Variants in ABHD12B observed in about 807,000 individuals in gnomAD.
The protein encoded by ABHD12B is abhydrolase domain containing 12B, also known as protein ABHD12B.
In ABHD12B, 42 loss-of-function variants were observed where a neutral mutation model predicts 50.4. That is an observed-to-expected ratio of 0.83 (90% CI 0.65 to 1.08). The LOEUF is 1.08. Ranked by LOEUF, ABHD12B falls within the 50% of genes least tolerant of loss-of-function variation. The pLI is 0.00. For missense variants in ABHD12B, 479 were observed against 447.7 expected, an observed-to-expected ratio of 1.07 and a Z score of -0.63; for synonymous variants, 167 against 160.3, an observed-to-expected ratio of 1.04 and a Z score of -0.32.
chr14:50,899,713 C>T (rs535642919), intron 9 of ABHD12B, among the ~76,000 whole-genome samples: 1 of 152,124 alleles, frequency 6.6e-6, no homozygotes, highest in South Asian at 2.1e-4. Flanking sequence ...CATTTGAGGT[C>T]AGAGTTCGAG....
intron 9 of ABHD12B, among the ~76,000 whole-genome samples, chr14:50,900,807 G>A (rs1233258026): frequency 1.3e-5 from 2 of 152,208 alleles, no homozygotes; most frequent in Admixed American, 1.3e-4. Context: ...GGCTGGAGAG[G>A]GAGGCAGGAA....
chr14:50,887,383 C>T (rs1394874487), intron 8 of ABHD12B, among the ~76,000 whole-genome samples: 1 of 151,804 alleles, frequency 6.6e-6, no homozygotes, highest in Non-Finnish European at 1.5e-5. Context: ...TCAGAATCTT[C>T]GACCCTAGCT....
chr14:50,902,773 G>A lies in ABHD12B; in HGVS notation c.864-616G>A, dbSNP rs544771675. Among the ~76,000 whole-genome samples the A allele has an allele frequency of 8.5e-5, 13 of 152,288 alleles. No individual in the cohort carries two copies. In the South Asian group the frequency reaches 2.5e-3, roughly 29 times the overall value. On this transcript the variant is annotated intron_variant, in intron 10 of 12. Transcript: ENST00000337334. ...GAGATGGATGGGTATCAGAATTTTG[G>A]GGGGACAGGGAAGCATTGCTTGAGA...
chr14:50,892,636 T>A (rs1440399724), intron 9 of ABHD12B: 1 of 965,988 alleles, frequency 1.0e-6, no homozygotes, highest in African/African-American at 1.8e-5. Flanking sequence ...ATGGTTTCTA[T>A]ATTTTTAATT....
intron 2 of ABHD12B, among the ~76,000 whole-genome samples, 161 bp from the exon 3 acceptor site, chr14:50,878,584 G>C (rs1385889446): frequency 6.6e-6 from 1 of 152,142 alleles, no homozygotes; most frequent in Non-Finnish European, 1.5e-5. Context: ...TCCTCTGCAG[G>C]CTAGTCCTAG....
intron 9 of ABHD12B, chr14:50,892,735 A>G (rs1176824914): frequency 6.2e-6 from 2 of 323,148 alleles, no homozygotes; most frequent in East Asian, 1.7e-4. Context: ...ACTTAATACC[A>G]TCTAATAATT....
chr14:50,881,736 T>A, intron 5 of ABHD12B, 110 bp downstream of exon 5: 2 of 1,318,252 alleles, frequency 1.5e-6, no homozygotes, highest in Non-Finnish European at 2.2e-6. Context: ...TCCAGGGTAC[T>A]GGTCAGGGTG....
intron 9 of ABHD12B, chr14:50,895,471 C>T (rs2050184884): frequency 6.6e-6 from 1 of 152,180 alleles, no homozygotes. Context: ...GGCCACTGGG[C>T]CAAGGAATGC....
At chr14:50,899,816 G>T (rs990817652) in intron 9 of ABHD12B, among the ~76,000 whole-genome samples, 1 of 151,994 alleles carries the variant, frequency 6.6e-6, no homozygotes, top group Non-Finnish European at 1.5e-5. Context: ...CAGCTACTTG[G>T]GTGGCTGAGG....
At chr14:50,886,610 T>C (rs1475281772) in intron 7 of ABHD12B, 37 bp from the exon 8 acceptor site, 2 of 1,595,326 alleles carry the variant, frequency 1.3e-6, no homozygotes, top group Non-Finnish European at 8.6e-7. Context: ...TGTACTGTTA[T>C]TGCTTAACAC....
intron 9 of ABHD12B, among the ~76,000 whole-genome samples, chr14:50,895,345 G>C (rs2050182294): frequency 6.6e-6 from 1 of 151,874 alleles, no homozygotes. Flanking sequence ...TCCACTGTGA[G>C]ACAAACCCCA....
At chr14:50,894,986 G>C (rs1464026835) in intron 9 of ABHD12B, among the ~76,000 whole-genome samples, 1 of 149,182 alleles carries the variant, frequency 6.7e-6, no homozygotes, top group East Asian at 1.9e-4. Flanking sequence ...TCCCCCACCT[G>C]CCCAGCAATT....
At chr14:50,897,309 G>A (rs1289539989) in intron 9 of ABHD12B, among the ~76,000 whole-genome samples, 1 of 151,938 alleles carries the variant, frequency 6.6e-6, no homozygotes, top group Non-Finnish European at 1.5e-5. Context: ...CTTGACCTCA[G>A]GTGATCCACC....
At position 50,893,993 on chromosome 14, in the gene ABHD12B, C is replaced by T. The variant is rs193154735; in HGVS notation, c.780+5090C>T. Among the ~76,000 whole-genome samples, 717 of 152,390 alleles carry T rather than the reference C, an allele frequency of 4.7e-3. 2 individuals are homozygous for T. The highest frequency in any genetic ancestry group is 0.01 in the Middle Eastern group (3 of 294). ...GTTTAATCATTGCAGGGACACCTCT[C>T]TGATTATTCACTCACGTTTCAAGGG... is the stretch of plus-strand genomic sequence containing the variant. On this transcript the variant is annotated intron_variant, in intron 9 of 12. Coordinates refer to ENST00000337334, the MANE Select transcript of ABHD12B (RefSeq NM_001206673.2).
intron 9 of ABHD12B, among the ~76,000 whole-genome samples, chr14:50,896,051 CCCCGACCTTAA>C (rs1291718355): frequency 6.6e-6 from 1 of 152,046 alleles, no homozygotes; most frequent in African/African-American, 2.4e-5. Context: ...CTCTTGTATC[CCCCGACCTTAA>C]CCCACAAGTA....
chr14:50,899,008 C>G (rs576712304), intron 9 of ABHD12B, among the ~76,000 whole-genome samples: 1 of 152,144 alleles, frequency 6.6e-6, no homozygotes, highest in Admixed American at 6.5e-5. Flanking sequence ...GCCTGGCCAA[C>G]ATGGCGAGAC....
intron 9 of ABHD12B, among the ~76,000 whole-genome samples, chr14:50,894,542 C>G (rs996479322): frequency 6.6e-6 from 1 of 152,142 alleles, no homozygotes; most frequent in Admixed American, 6.5e-5. Context: ...ATCTAAATGA[C>G]TTATTTTCTT....
chr14:50,882,023 C>T (rs1364537905), intron 5 of ABHD12B, among the ~76,000 whole-genome samples: 1 of 151,804 alleles, frequency 6.6e-6, no homozygotes, highest in Non-Finnish European at 1.5e-5. Context: ...GCAACCTTCA[C>T]CTCCCAGGCT....
At position 50,881,509 on chromosome 14, in the gene ABHD12B, C is replaced by T. The variant is rs1017651139; in HGVS notation, c.456-87C>T. ...AAGAGAAAGGCGTGAGATCAGATAC[C>T]AGCAGCACGAGAGTGATTTTTATTG... is the stretch of plus-strand genomic sequence containing the variant. On this transcript the variant is annotated intron_variant, in intron 4 of 12. Transcript: ENST00000337334. 18 of 1,443,212 alleles carry T rather than the reference C, an allele frequency of 1.2e-5. No homozygotes were observed. In the South Asian group the frequency reaches 2.3e-4, roughly 19 times the overall value. The allele number at this position is 1,443,212 out of a possible 1,614,324, so 89.4% of individuals were successfully genotyped here. A position where few individuals can be genotyped will look rare whatever the true frequency, so the allele number is the denominator to read the frequency against.
Sources: allele counts gnomAD v4.1 joint callset (sites outside exome capture counted in the v4.1 genomes callset), GRCh38; gene constraint gnomAD v4.1.1; transcripts MANE v1.5; gene names NCBI Gene and HGNC (gene_info 2026-07-23, HGNC 2026-07-21).